SUPT3H: variants seen among roughly 807,000 people sequenced by gnomAD.
SUPT3H encodes transcription initiation protein SPT3 homolog.
A neutral mutation model predicts 44.3 loss-of-function variants in SUPT3H; 44 were observed. The ratio of observed to expected loss-of-function variants is 0.99; its 90% CI spans 0.78 to 1.28. The LOEUF is 1.28. Among genes scored for constraint, SUPT3H ranks in the 50% most tolerant of loss-of-function variants. The pLI is 0.00. For missense variants in SUPT3H, 380 were observed against 387.1 expected (o/e 0.98, Z 0.15); for synonymous variants, 124 against 125.6 (o/e 0.99, Z 0.09).
At chr6:45,253,152 A>G (rs1176110465) in intron 2 of SUPT3H, among the ~76,000 whole-genome samples, 1 of 152,186 alleles carries the variant, frequency 6.6e-6, no homozygotes, top group African/African-American at 2.4e-5. Flanking sequence ...TATTTCAAAT[A>G]ATAAACTAAA....
chr6:44,884,739 A>G (rs943990521), intron 10 of SUPT3H, among the ~76,000 whole-genome samples: 1 of 152,100 alleles, frequency 6.6e-6, no homozygotes, highest in Non-Finnish European at 1.5e-5. Flanking sequence ...GGTTCATCTC[A>G]CTAGGGAGTG....
At chr6:44,938,451 G>A (rs920241794) in intron 9 of SUPT3H, among the ~76,000 whole-genome samples, 1 of 152,094 alleles carries the variant, frequency 6.6e-6, no homozygotes, top group East Asian at 1.9e-4. Context: ...TTTTATATCA[G>A]TACCATGCTG....
chr6:45,209,206 CACA>C (rs527410517), intron 2 of SUPT3H, among the ~76,000 whole-genome samples: 286 of 152,292 alleles, frequency 1.9e-3, no homozygotes, highest in African/African-American at 6.7e-3. Flanking sequence ...TGCCTGCTAG[CACA>C]ACATCCATTC....
intron 10 of SUPT3H, among the ~76,000 whole-genome samples, chr6:44,834,213 G>C (rs939390856): frequency 1.3e-5 from 2 of 152,102 alleles, no homozygotes; most frequent in African/African-American, 4.8e-5. Context: ...CCCAATAATG[G>C]TTTCGTCAAT....
At chr6:44,902,342 A>C (rs1003259543) in intron 10 of SUPT3H, among the ~76,000 whole-genome samples, 3 of 152,146 alleles carry the variant, frequency 2.0e-5, no homozygotes, top group African/African-American at 7.2e-5. Flanking sequence ...TACCAAGCAA[A>C]TGGAAAACAA....
At chr6:45,326,541 A>T (rs1405963356) in intron 2 of SUPT3H, among the ~76,000 whole-genome samples, 1 of 151,938 alleles carries the variant, frequency 6.6e-6, no homozygotes, top group Admixed American at 6.6e-5. Flanking sequence ...AGGCATGATA[A>T]ATCCATAGTT....
intron 2 of SUPT3H, among the ~76,000 whole-genome samples, chr6:45,213,144 G>C (rs960765116): frequency 2.0e-5 from 3 of 152,182 alleles, no homozygotes; most frequent in Admixed American, 6.5e-5. Context: ...AGTGACATGA[G>C]TCTAAGTTCC....
At position 45,132,123 on chromosome 6, in the gene SUPT3H, G is replaced by A. The variant is rs941131096; in HGVS notation, c.102-26117C>T. Among the ~76,000 whole-genome samples, 13 of 152,320 alleles carry A rather than the reference G, an allele frequency of 8.5e-5. No homozygotes were observed. In the East Asian group the frequency reaches 2.5e-3, roughly 29 times the overall value. On this transcript the variant is annotated intron_variant, in intron 2 of 10. Transcript: ENST00000371459. The stretch of plus-strand genomic sequence containing the variant: ...TAATATTTTTGGACCATAGTTGACA[G>A]CAGGTAACTGAAACTGCAGAAAGCT...
chr6:45,372,495 C>G lies in SUPT3H; in HGVS notation c.-1+5273G>C, dbSNP rs544925065. Among the ~76,000 whole-genome samples the G allele has an allele frequency of 3.3e-5, 5 of 152,242 alleles. No homozygotes were observed. The South Asian group carries it at 1.0e-3, about 32-fold the overall frequency. On this transcript the variant is annotated intron_variant, in intron 1 of 10. Transcript: ENST00000371459. ...TATACAGAATTCAGTCATAAAACCA[C>G]TATAGCATTTAAATCAGCAAAAGTA...
chr6:45,348,150 C>A (rs1256004024), intron 2 of SUPT3H, among the ~76,000 whole-genome samples: 1 of 151,834 alleles, frequency 6.6e-6, no homozygotes, highest in African/African-American at 2.4e-5. Context: ...AAAAAAGGGG[C>A]ATACTTACAT....
intron 2 of SUPT3H, among the ~76,000 whole-genome samples, chr6:45,268,229 T>A (rs1230890207): frequency 1.3e-5 from 2 of 152,142 alleles, no homozygotes; most frequent in African/African-American, 4.8e-5. Flanking sequence ...ATAATTTATA[T>A]CTTGTAATTA....
chr6:44,949,402 A>T (rs936105850), intron 9 of SUPT3H, among the ~76,000 whole-genome samples: 9 of 150,936 alleles, frequency 6.0e-5, no homozygotes, highest in Non-Finnish European at 1.2e-4. Context: ...ACAAAAAATT[A>T]AAAAAATAAA....
At chr6:44,969,336 C>T (rs567436842) in intron 6 of SUPT3H, among the ~76,000 whole-genome samples, 14 of 152,212 alleles carry the variant, frequency 9.2e-5, no homozygotes, top group African/African-American at 3.4e-4. Flanking sequence ...ATACATTATA[C>T]TTTTGATAGT....
chr6:44,967,815 G>C (rs1261021615), intron 6 of SUPT3H, among the ~76,000 whole-genome samples: 1 of 151,916 alleles, frequency 6.6e-6, no homozygotes, highest in Non-Finnish European at 1.5e-5. Context: ...TTTGAGACAG[G>C]GTCTTGCTCT....
intron 3 of SUPT3H, among the ~76,000 whole-genome samples, chr6:45,084,096 G>A (rs1345583435): frequency 6.6e-6 from 1 of 152,126 alleles, no homozygotes; most frequent in East Asian, 1.9e-4. Flanking sequence ...AAGAATTCAT[G>A]ACTAAATCCT....
chr6:45,112,757 A>G (rs768370392), intron 2 of SUPT3H, among the ~76,000 whole-genome samples: 1 of 152,230 alleles, frequency 6.6e-6, no homozygotes, highest in South Asian at 2.1e-4. Context: ...CACCAAGCAT[A>G]CAAGGCCTAC....
chr6:45,267,532 TAAG>T lies in SUPT3H; in HGVS notation c.101+97666_101+97668del, dbSNP rs148154895. ...ATATATTTGAAAATAGTTGAGATAT[TAAG>T]AAATTATTTTAAAAACTTGGCTAAT... On this transcript the variant is annotated intron_variant, in intron 2 of 10. Coordinates refer to ENST00000371459, the MANE Select transcript of SUPT3H (RefSeq NM_003599.4). Among the ~76,000 whole-genome samples, 799 of 152,352 alleles carry T rather than the reference TAAG, an allele frequency of 5.2e-3. 5 individuals carry two copies. Among genetic ancestry groups the T allele is most frequent in the African/African-American group, 0.018 (746 of 41,580 alleles).
At chr6:45,373,279 C>T (rs1796340400) in intron 1 of SUPT3H, among the ~76,000 whole-genome samples, 1 of 152,128 alleles carries the variant, frequency 6.6e-6, no homozygotes. Context: ...TTAACCTTCA[C>T]TACCCATTAA....
intron 2 of SUPT3H, chr6:45,322,852 A>G: frequency 6.4e-7 from 1 of 1,571,182 alleles, no homozygotes; most frequent in Non-Finnish European, 8.8e-7. Context: ...ATCCAAAAGC[A>G]GTGGCACTGG....
Sources: gnomAD v4.1 joint callset for allele counts (sites outside exome capture counted in the v4.1 genomes callset) on GRCh38, gnomAD v4.1.1 for gene constraint, MANE v1.5 for transcripts, NCBI Gene and HGNC (gene_info 2026-07-23, HGNC 2026-07-21) for gene names.